DIS3L: variants seen among roughly 807,000 people sequenced by gnomAD.
DIS3L encodes DIS3 like exosome 3'-5' exoribonuclease.
A neutral mutation model predicts 120.3 loss-of-function variants in DIS3L; 100 were observed. That is an observed-to-expected ratio of 0.83 (90% CI 0.71 to 0.98). The LOEUF (loss-of-function observed/expected upper bound fraction) is 0.98. DIS3L is among the 50% of genes least tolerant of loss of function. DIS3L has a pLI of 0.00. For synonymous variants in DIS3L, 426 were observed against 470.6 expected (o/e 0.91, Z 1.23); for missense variants, 1,196 against 1,314.2 (o/e 0.91, Z 1.39).
At chr15:66,308,351 C>A (rs1464069175) in intron 3 of DIS3L, among the ~76,000 whole-genome samples, 1 of 152,222 alleles carries the variant, frequency 6.6e-6, no homozygotes, top group Non-Finnish European at 1.5e-5. Context: ...CAAAGACTTG[C>A]TTCTTCATCT....
At chr15:66,327,969 T>C (rs367546353) in intron 12 of DIS3L, among the ~76,000 whole-genome samples, 4 of 152,100 alleles carry the variant, frequency 2.6e-5, no homozygotes, top group African/African-American at 9.7e-5. Context: ...CGAGAATCGC[T>C]TGAACCTGGG....
At chr15:66,329,966 G>A in intron 14 of DIS3L, 1 of 984,552 alleles carries the variant, frequency 1.0e-6, no homozygotes, top group Non-Finnish European at 1.2e-6. Flanking sequence ...TTACCACCCA[G>A]AGCTAACAAT....
At chr15:66,304,089 CAAAAAAAAAAA>C (rs34711611) in intron 2 of DIS3L, among the ~76,000 whole-genome samples, 10 of 72,638 alleles carry the variant, frequency 1.4e-4, no homozygotes, top group Non-Finnish European at 1.8e-4. Context: ...GACTCTGTTT[CAAAAAAAAAAA>C]AAAAAAAAAA....
At chr15:66,315,341 G>C in intron 7 of DIS3L, 126 bp downstream of exon 7, 1 of 914,208 alleles carries the variant, frequency 1.1e-6, no homozygotes, top group Non-Finnish European at 1.5e-6. Context: ...GACAAAAACT[G>C]TATTTATTGT....
chr15:66,302,540 A>C (rs2092659307), intron 2 of DIS3L, among the ~76,000 whole-genome samples: 1 of 152,168 alleles, frequency 6.6e-6, no homozygotes, highest in South Asian at 2.1e-4. Flanking sequence ...CTGTGCATTC[A>C]TTTGTTCATT....
chr15:66,301,624 C>T (rs1052168964), intron 2 of DIS3L, among the ~76,000 whole-genome samples: 4 of 152,154 alleles, frequency 2.6e-5, no homozygotes, highest in Admixed American at 6.5e-5. Context: ...TCATTCTGGT[C>T]GAATTCGCTT....
chr15:66,328,680 G>C (rs963267405), intron 12 of DIS3L, among the ~76,000 whole-genome samples: 1 of 152,112 alleles, frequency 6.6e-6, no homozygotes, highest in African/African-American at 2.4e-5. Flanking sequence ...TCAATTCAAC[G>C]AGTATTTGAC....
At chr15:66,298,234 G>A (rs1419987090) in intron 2 of DIS3L, among the ~76,000 whole-genome samples, 2 of 149,926 alleles carry the variant, frequency 1.3e-5, no homozygotes, top group Admixed American at 1.3e-4. Flanking sequence ...ATTATGGTTG[G>A]AGAGATCTGA....
intron 2 of DIS3L, among the ~76,000 whole-genome samples, chr15:66,305,485 AAC>A (rs970611237): frequency 7.2e-5 from 11 of 152,064 alleles, no homozygotes; most frequent in Non-Finnish European, 1.3e-4. Flanking sequence ...ATTATATTAA[AAC>A]ACATGTTAAA....
intron 12 of DIS3L, 117 bp from the exon 13 acceptor site, chr15:66,328,853 A>T: frequency 7.4e-7 from 1 of 1,349,706 alleles, no homozygotes; most frequent in Non-Finnish European, 1.0e-6. Flanking sequence ...AACGTGTCCA[A>T]AACAAATTTA....
At chr15:66,315,236 C>T (rs1367963465) in intron 7 of DIS3L, 21 bp downstream of exon 7, 1 of 1,562,164 alleles carries the variant, frequency 6.4e-7, no homozygotes, top group South Asian at 1.2e-5. Flanking sequence ...TGCAGAGCCA[C>T]TCCGATGTCC....
At chr15:66,303,251 T>C (rs532427251) in intron 2 of DIS3L, among the ~76,000 whole-genome samples, 2 of 152,388 alleles carry the variant, frequency 1.3e-5, no homozygotes, top group South Asian at 4.1e-4. Flanking sequence ...GTAGTGTTGC[T>C]GTGAACATAG....
At chr15:66,301,851 T>C (rs2092651511) in intron 2 of DIS3L, among the ~76,000 whole-genome samples, 1 of 151,976 alleles carries the variant, frequency 6.6e-6, no homozygotes, top group Admixed American at 6.5e-5. Flanking sequence ...AATATTCTTT[T>C]GCCGTTTGTT....
At chr15:66,312,406 G>A (rs1212036950) in intron 5 of DIS3L, among the ~76,000 whole-genome samples, 2 of 152,086 alleles carry the variant, frequency 1.3e-5, no homozygotes, top group African/African-American at 2.4e-5. Flanking sequence ...GCTACTCTGC[G>A]ATGATGTCCT....
intron 12 of DIS3L, 37 bp from the exon 13 acceptor site, chr15:66,328,933 T>C (rs747350537): frequency 9.4e-6 from 15 of 1,599,432 alleles, no homozygotes; most frequent in African/African-American, 1.3e-5. Flanking sequence ...TAAATTACTG[T>C]CTGGGACTAG....
At chr15:66,318,833 C>G (rs568654808) in intron 8 of DIS3L, among the ~76,000 whole-genome samples, 1 of 152,088 alleles carries the variant, frequency 6.6e-6, no homozygotes, top group African/African-American at 2.4e-5. Context: ...CACTCTGTCA[C>G]CCAGGCTGGA....
intron 10 of DIS3L, among the ~76,000 whole-genome samples, chr15:66,323,201 T>C (rs867887619): frequency 6.6e-6 from 1 of 152,266 alleles, no homozygotes. Context: ...ATACTATTTT[T>C]TAAAAATACT....
chr15:66,331,893 A>C lies in DIS3L; in HGVS notation c.2554A>C (p.Lys852Gln). Residue 852 changes from lysine (K) to glutamine (Q), a missense_variant, in exon 15 of 17, where the codon AAG becomes CAG. Coordinates refer to ENST00000319212, the MANE Select transcript of DIS3L (RefSeq NM_001143688.3). ...CTTACAGGCAGCACAGCATTCTCAG[A>C]AGCAGTCTACTGAGCTCTTCCAGTG... ...NRNQAAQHSQKQSTELFQCMY... is the reference protein window; with the variant it reads ...NRNQAAQHSQQQSTELFQCMY... The C allele has an allele frequency of 6.2e-7, 1 of 1,606,544 alleles. No individual in the cohort carries two copies. Among genetic ancestry groups the C allele is most frequent in the Non-Finnish European group, 8.5e-7 (1 of 1,176,388 alleles).
Position 66,325,616 on chromosome 15 carries a change from A to G in DIS3L, c.1668-215A>G, listed in dbSNP as rs537467907. On this transcript the variant is annotated intron_variant, in intron 11 of 16. Coordinates refer to ENST00000319212, the MANE Select transcript of DIS3L (RefSeq NM_001143688.3). ...AAATTCCACTTGCTTCAAAAATAGAAGACTTAGGTGGGGCATGGTGGCTTA... is the reference window on the plus strand; with the variant it reads ...AAATTCCACTTGCTTCAAAAATAGAGGACTTAGGTGGGGCATGGTGGCTTA... Among the ~76,000 whole-genome samples, 20 of 152,298 alleles carry G rather than the reference A, an allele frequency of 1.3e-4. No individual in the cohort carries two copies. In the Middle Eastern group the frequency reaches 0.01, roughly 78 times the overall value.
Sources: allele counts gnomAD v4.1 joint callset (sites outside exome capture counted in the v4.1 genomes callset), GRCh38; gene constraint gnomAD v4.1.1; transcripts MANE v1.5; gene names NCBI Gene and HGNC (gene_info 2026-07-23, HGNC 2026-07-21).